RAD54L2: variants seen among roughly 807,000 people sequenced by gnomAD.
The protein encoded by RAD54L2 is helicase ARIP4.
A neutral mutation model predicts 138.4 loss-of-function variants in RAD54L2; 27 were observed. The observed-to-expected ratio is 0.20, with a 90% CI of 0.14 to 0.27. RAD54L2 has a LOEUF of 0.27. Among genes scored for constraint, RAD54L2 ranks in the 10% least tolerant of loss-of-function variants. The pLI is 1.00. For synonymous variants in RAD54L2, 644 were observed against 723.2 expected (o/e 0.89, Z 1.76); for missense variants, 1,396 against 1,890.2 (o/e 0.74, Z 4.85).
At chr3:51,576,507 T>G (rs1373669770) in intron 2 of RAD54L2, among the ~76,000 whole-genome samples, 1 of 152,154 alleles carries the variant, frequency 6.6e-6, no homozygotes, top group Non-Finnish European at 1.5e-5. Context: ...GGCTATTAAT[T>G]ATTGCCTCAA....
chr3:51,559,467 A>G (rs1255823730), intron 2 of RAD54L2, among the ~76,000 whole-genome samples: 1 of 152,204 alleles, frequency 6.6e-6, no homozygotes, highest in Non-Finnish European at 1.5e-5. Flanking sequence ...AGTGCTTCAG[A>G]TCCAAACTGA....
chr3:51,565,107 G>T (rs927928421), intron 2 of RAD54L2, among the ~76,000 whole-genome samples: 13 of 152,138 alleles, frequency 8.5e-5, no homozygotes, highest in Non-Finnish European at 1.8e-4. Flanking sequence ...GGGGAAGCCT[G>T]CATGAGTTGC....
rs1346806295 is a variant in RAD54L2, at chr3:51,657,588, A to T, written c.3235A>T (p.Ile1079Phe). 6.4e-7 allele frequency: 1 copy of T among 1,567,728 alleles called. No homozygotes were observed. The highest frequency in any genetic ancestry group is 8.7e-7 in the Non-Finnish European group (1 of 1,150,554). Residue 1079 changes from isoleucine (I) to phenylalanine (F), a missense_variant, in exon 21 of 23, where the codon ATT becomes TTT. Coordinates refer to ENST00000684192, the MANE Select transcript of RAD54L2 (RefSeq NM_015106.4). ...QKVVTTTDIVIPGLNSSTDVQ... is the reference protein window; with the variant it reads ...QKVVTTTDIVFPGLNSSTDVQ... Reference sequence around the variant, plus strand: ...ATCTGTGTTTTTCCTAGATATTGTTATTCCTGGACTCAACAGCTCCACAGA... The same window carrying T: ...ATCTGTGTTTTTCCTAGATATTGTTTTTCCTGGACTCAACAGCTCCACAGA...
chr3:51,656,927 G>A (rs1701615574), intron 20 of RAD54L2, among the ~76,000 whole-genome samples: 1 of 151,922 alleles, frequency 6.6e-6, no homozygotes, highest in African/African-American at 2.4e-5. Context: ...AATAGAGATG[G>A]GGTTTCACCA....
At chr3:51,657,960 C>CTGTCG (rs1162255439) in intron 21 of RAD54L2, among the ~76,000 whole-genome samples, 4 of 113,926 alleles carry the variant, frequency 3.5e-5, no homozygotes, top group Non-Finnish European at 6.6e-5. Context: ...GAGTCTTGCT[C>CTGTCG]TGTCGCCAGG....
chr3:51,636,691 G>A (rs1700989594), intron 10 of RAD54L2, among the ~76,000 whole-genome samples: 1 of 152,198 alleles, frequency 6.6e-6, no homozygotes, highest in South Asian at 2.1e-4. Flanking sequence ...TTTATTGCAA[G>A]AGTCAACTGC....
chr3:51,560,179 G>A (rs148749331), intron 2 of RAD54L2, among the ~76,000 whole-genome samples: 157 of 152,222 alleles, frequency 1.0e-3, no homozygotes, highest in Admixed American at 2.9e-3. Context: ...GCTGAAATAT[G>A]TGTGGCATCT....
In RAD54L2 at chr3:51,663,218, C is replaced by T; in HGVS notation, c.4202C>T (p.Pro1401Leu). The T allele has an allele frequency of 1.2e-6, 2 of 1,613,978 alleles. No homozygotes were observed. The highest frequency in any genetic ancestry group is 1.7e-6 in the Non-Finnish European group (2 of 1,179,878). ...LSEPRMFAPF[P>L]SPVLPSNLSR... ...GAGCCGAGGATGTTTGCGCCTTTTCCTTCCCCTGTCTTGCCCAGCAACCTT... is the reference window on the plus strand; with the variant it reads ...GAGCCGAGGATGTTTGCGCCTTTTCTTTCCCCTGTCTTGCCCAGCAACCTT... The change falls in exon 23 of 23, where the codon CCT becomes CTT. Residue 1401 changes from proline (P) to leucine (L), a missense_variant. Physicochemically the swap from Pro to Leu is moderately conservative, Grantham distance 98. Coordinates refer to ENST00000684192, the MANE Select transcript of RAD54L2 (RefSeq NM_015106.4).
intron 4 of RAD54L2, among the ~76,000 whole-genome samples, chr3:51,628,235 C>G (rs1700740091): frequency 1.3e-5 from 2 of 151,634 alleles, no homozygotes; most frequent in African/African-American, 4.8e-5. Flanking sequence ...TTCCTTCCAT[C>G]AAATAACAAT....
In RAD54L2 at chr3:51,569,215, G is replaced by GA. The variant is rs550086501; in HGVS notation, c.-54-21145dup. Among the ~76,000 whole-genome samples the GA allele has an allele frequency of 3.8e-3, 572 of 152,144 alleles. 4 individuals are homozygous for GA. Among genetic ancestry groups the GA allele is most frequent in the African/African-American group, 0.013 (553 of 41,514 alleles). ...CCACTGGTCTTCCTAATTATTTATA[G>GA]AAAAAAATACAGAAGTTATAGCTGC... On this transcript the variant is annotated intron_variant, in intron 2 of 22. Transcript: ENST00000684192.
chr3:51,667,557 G>A lies in RAD54L2; in HGVS notation c.*4137G>A, dbSNP rs561017396. The A allele has an allele frequency of 6.6e-6, 1 of 152,344 alleles. No homozygotes were observed. The highest frequency in any genetic ancestry group is 1.5e-5 in the Non-Finnish European group (1 of 68,078). 9.4% of individuals were successfully genotyped at this position (152,344 alleles called of 1,614,324 possible). A position where few individuals can be genotyped will look rare whatever the true frequency, so the allele number is the denominator to read the frequency against. ...AGTGGCTCTTCACCCCTAAAACTAA[G>A]TGAAGTCATCCTTCCCCAAAAGGAC... On this transcript the variant is annotated 3_prime_UTR_variant, in exon 23 of 23. Transcript: ENST00000684192.
At chr3:51,541,258 A>ACT (rs1346313676) in intron 1 of RAD54L2, 5 of 152,194 alleles carry the variant, frequency 3.3e-5, no homozygotes, top group Non-Finnish European at 5.9e-5. Context: ...TTTAATCAGT[A>ACT]AAGACATTGA....
At chr3:51,639,281 G>GAA in intron 12 of RAD54L2, 138 bp from the exon 13 acceptor site, 1 of 1,031,548 alleles carries the variant, frequency 9.7e-7, no homozygotes, top group Admixed American at 2.6e-5. Context: ...GCTGTGAAGG[G>GAA]CTCTGACTTT....
chr3:51,580,259 A>G (rs1192577941), intron 2 of RAD54L2, among the ~76,000 whole-genome samples: 1 of 152,180 alleles, frequency 6.6e-6, no homozygotes, highest in Admixed American at 6.5e-5. Flanking sequence ...TGTTTCTCAT[A>G]AAGGATACAA....
At chr3:51,568,735 T>C (rs988741597) in intron 2 of RAD54L2, among the ~76,000 whole-genome samples, 1 of 151,926 alleles carries the variant, frequency 6.6e-6, no homozygotes, top group Non-Finnish European at 1.5e-5. Flanking sequence ...GGTTGGAGAG[T>C]GTAGAAGTGT....
In RAD54L2 at chr3:51,633,569, C is replaced by A. The variant is rs1254251705; in HGVS notation, c.826-8C>A. The A allele has an allele frequency of 1.2e-6, 2 of 1,610,656 alleles. No individual in the cohort carries two copies. The highest frequency in any genetic ancestry group is 2.2e-5 in the South Asian group (2 of 90,896). ...GCCCCTCTGACATTTGTCTTTGTCC[C>A]TTGTCAGATTGGCGGGATCCGGTTC... On this transcript the variant is annotated splice_polypyrimidine_tract_variant and splice_region_variant and intron_variant, in intron 7 of 22. Coordinates refer to ENST00000684192, the MANE Select transcript of RAD54L2 (RefSeq NM_015106.4).
chr3:51,614,792 C>T (rs1019082124), intron 3 of RAD54L2, among the ~76,000 whole-genome samples: 4 of 151,938 alleles, frequency 2.6e-5, no homozygotes, highest in African/African-American at 4.8e-5. Context: ...GGATTACAGG[C>T]GGGAGCCACT....
intron 13 of RAD54L2, 27 bp from the exon 14 acceptor site, chr3:51,639,854 C>A (rs891325085): frequency 1.3e-6 from 2 of 1,550,934 alleles, no homozygotes; most frequent in Middle Eastern, 1.7e-4. Flanking sequence ...TGGACCTGCT[C>A]TAAGCTGCCT....
chr3:51,609,961 A>G (rs1160090957), intron 3 of RAD54L2, among the ~76,000 whole-genome samples: 1 of 92,146 alleles, frequency 1.1e-5, no homozygotes, highest in East Asian at 3.2e-4. Flanking sequence ...TACCATTTAA[A>G]ATGGATTTGG....
Sources: gnomAD v4.1 joint callset for allele counts (sites outside exome capture counted in the v4.1 genomes callset) on GRCh38, gnomAD v4.1.1 for gene constraint, MANE v1.5 for transcripts, NCBI Gene and HGNC (gene_info 2026-07-23, HGNC 2026-07-21) for gene names.